Variants in RBFOX1 observed in about 807,000 individuals in gnomAD.
RBFOX1 encodes RNA binding protein fox-1 homolog 1.
Under a neutral mutation model 57.7 loss-of-function variants are expected in RBFOX1, and 8 were observed. That is an observed-to-expected ratio of 0.14 (90% confidence interval 0.08 to 0.25). RBFOX1 has a LOEUF of 0.25. Among genes scored for constraint, RBFOX1 ranks in the 10% least tolerant of loss-of-function variants. The pLI is 1.00. For missense variants in RBFOX1, 611 were observed against 548.5 expected (o/e 1.11, Z -1.14); for synonymous variants, 326 against 222.4 (o/e 1.47, Z -4.15).
chr16:6,235,446 T>C (rs2097498469), intron 1 of RBFOX1, among the ~76,000 whole-genome samples: 1 of 152,170 alleles, frequency 6.6e-6, no homozygotes, highest in Middle Eastern at 3.4e-3. Context: ...AAAAGACACT[T>C]GCACATGCCT....
Position 5,552,948 on chromosome 16 carries a change from C to G in RBFOX1, c.259-45954C>G, listed in dbSNP as rs574436594. ...AAGGCAAGGTGTATGGAATACTATGCAGCCATAAAAAGGATCAGTCCATGT... is the reference window on the plus strand; with the variant it reads ...AAGGCAAGGTGTATGGAATACTATGGAGCCATAAAAAGGATCAGTCCATGT... On this transcript the variant is annotated intron_variant, in intron 2 of 2. Transcript: ENST00000585867. 4.1e-4 allele frequency among the ~76,000 whole-genome samples: 63 copies of G among 152,092 alleles called. 1 individual carries two copies. Among genetic ancestry groups the G allele is most frequent in the Non-Finnish European group, 6.9e-4 (47 of 67,958 alleles).
chr16:5,295,819 G>T (rs2151185682), intron 1 of RBFOX1, among the ~76,000 whole-genome samples: 1 of 152,320 alleles, frequency 6.6e-6, no homozygotes, highest in African/African-American at 2.4e-5. Flanking sequence ...GGTTGTACAA[G>T]GGTGTCAGTA....
chr16:6,511,517 C>A (rs765694647), intron 2 of RBFOX1, among the ~76,000 whole-genome samples: 48 of 152,278 alleles, frequency 3.2e-4, no homozygotes, highest in Non-Finnish European at 5.6e-4. Flanking sequence ...TCTGCAGAGA[C>A]AAGGAGCCCA....
chr16:6,055,593 A>AG (rs2095605319), intron 1 of RBFOX1, among the ~76,000 whole-genome samples: 1 of 147,628 alleles, frequency 6.8e-6, no homozygotes, highest in African/African-American at 2.5e-5. Flanking sequence ...ACTCCGTCAA[A>AG]AAAAAAAAAA....
At position 5,856,198 on chromosome 16, in the gene RBFOX1, T is replaced by TACAC. The variant is rs1567630906; in HGVS notation, c.319-11104_319-11103insCACA. ...CTCTCTCTCTCTCTCTATATATATA[T>TACAC]ATATATATACATATATATGTATATA... On this transcript the variant is annotated intron_variant, in intron 3 of 19. Coordinates refer to the RBFOX1 transcript ENST00000641259. Among the ~76,000 whole-genome samples the TACAC allele has an allele frequency of 1.1e-4, 7 of 65,326 alleles. No homozygotes were observed. The East Asian group carries it at 2.7e-3, about 25-fold the overall frequency. The allele number at this position is 65,326 out of a possible 152,430, so 42.9% of individuals were successfully genotyped here. A position where few individuals can be genotyped will look rare whatever the true frequency, so the allele number is the denominator to read the frequency against.
chr16:6,907,755 G>A (rs555727788), intron 3 of RBFOX1, among the ~76,000 whole-genome samples: 1 of 146,054 alleles, frequency 6.8e-6, no homozygotes, highest in African/African-American at 2.4e-5. Context: ...GCATTTTTTA[G>A]TAGAGATAGG....
chr16:7,430,748 G>T (rs1407926696), intron 4 of RBFOX1, among the ~76,000 whole-genome samples: 1 of 152,036 alleles, frequency 6.6e-6, no homozygotes, highest in Non-Finnish European at 1.5e-5. Context: ...TTCAAGTTCA[G>T]TGGCCAGGGT....
intron 5 of RBFOX1, among the ~76,000 whole-genome samples, chr16:7,565,307 C>A (rs1000971568): frequency 6.6e-6 from 1 of 152,152 alleles, no homozygotes; most frequent in African/African-American, 2.4e-5. Flanking sequence ...TCTTTGTACA[C>A]ATTCAATATA....
At chr16:6,893,771 C>A (rs1174645242) in intron 3 of RBFOX1, among the ~76,000 whole-genome samples, 1 of 152,156 alleles carries the variant, frequency 6.6e-6, no homozygotes, top group Non-Finnish European at 1.5e-5. Context: ...CATGTATCAT[C>A]TGGTGAGAAG....
intron 3 of RBFOX1, among the ~76,000 whole-genome samples, chr16:6,938,534 TTC>T (rs1414030223): frequency 6.6e-6 from 1 of 151,400 alleles, no homozygotes; most frequent in Non-Finnish European, 1.5e-5. Flanking sequence ...ATGCCTAACA[TTC>T]TAGCATTACC....
chr16:5,270,942 A>T (rs972916102), intron 1 of RBFOX1: 3 of 381,990 alleles, frequency 7.9e-6, no homozygotes, highest in Non-Finnish European at 1.5e-5. Flanking sequence ...CACTAGTCCA[A>T]GAATCTGTTT....
At chr16:5,869,137 C>T (rs1235327500) in intron 4 of RBFOX1, among the ~76,000 whole-genome samples, 2 of 152,070 alleles carry the variant, frequency 1.3e-5, no homozygotes, top group Non-Finnish European at 2.9e-5. Context: ...TGCCATGTAA[C>T]CCACCCAGAT....
At chr16:6,006,303 C>A (rs1355371095) in intron 4 of RBFOX1, among the ~76,000 whole-genome samples, 1 of 151,706 alleles carries the variant, frequency 6.6e-6, no homozygotes, top group Non-Finnish European at 1.5e-5. Flanking sequence ...AGTGATGGTT[C>A]AGCCCCGGGT....
intron 5 of RBFOX1, among the ~76,000 whole-genome samples, chr16:7,531,554 C>A (rs986452524): frequency 2.0e-5 from 3 of 152,186 alleles, no homozygotes; most frequent in Non-Finnish European, 2.9e-5. Flanking sequence ...CCACGGTCCA[C>A]TGTCTTACCC....
intron 2 of RBFOX1, among the ~76,000 whole-genome samples, chr16:6,355,780 A>G (rs2087198592): frequency 2.0e-5 from 3 of 152,148 alleles, no homozygotes; most frequent in Admixed American, 2.0e-4. Flanking sequence ...ATTTCTCCAC[A>G]TCCTCTCCAG....
chr16:7,637,638 A>G (rs535937029), intron 11 of RBFOX1, among the ~76,000 whole-genome samples: 5 of 152,336 alleles, frequency 3.3e-5, no homozygotes, highest in African/African-American at 9.6e-5. Flanking sequence ...GTTACTAGAA[A>G]GGACACATAC....
intron 14 of RBFOX1, among the ~76,000 whole-genome samples, chr16:7,702,890 A>G (rs1033082336): frequency 2.0e-5 from 3 of 152,214 alleles, no homozygotes; most frequent in Non-Finnish European, 2.9e-5. Context: ...AATGAGGGCA[A>G]TGAAATAGGA....
chr16:5,553,310 G>A (rs1352430086), intron 2 of RBFOX1, among the ~76,000 whole-genome samples: 1 of 142,678 alleles, frequency 7.0e-6, no homozygotes, highest in Non-Finnish European at 1.5e-5. Flanking sequence ...TATGCCATAT[G>A]TCTGAATATT....
At chr16:6,321,925 C>T (rs1385901090) in intron 2 of RBFOX1, among the ~76,000 whole-genome samples, 1 of 152,150 alleles carries the variant, frequency 6.6e-6, no homozygotes, top group African/African-American at 2.4e-5. Flanking sequence ...GCACAGATTG[C>T]TATACATCTT....
Sources: allele counts gnomAD v4.1 joint callset (sites outside exome capture counted in the v4.1 genomes callset), GRCh38; gene constraint gnomAD v4.1.1; transcripts MANE v1.5; gene names NCBI Gene and HGNC (gene_info 2026-07-23, HGNC 2026-07-21).